SH3TC2: variants seen among roughly 807,000 people sequenced by gnomAD.
The protein encoded by SH3TC2 is SH3 domain and tetratricopeptide repeats 2, also known as SH3 domain and tetratricopeptide repeat-containing protein 2.
Under a neutral mutation model 124.5 loss-of-function variants are expected in SH3TC2, and 87 were observed. The observed-to-expected ratio is 0.70, with a 90% CI of 0.59 to 0.84. The LOEUF is 0.84. Among genes scored for constraint, SH3TC2 ranks in the 40% least tolerant of loss-of-function variants. SH3TC2 has a pLI of 0.00. For missense variants in SH3TC2, 1,536 were observed against 1,566.4 expected, an observed-to-expected ratio of 0.98 and a Z score of 0.33; for synonymous variants, 634 against 628.5, an observed-to-expected ratio of 1.01 and a Z score of -0.13.
rs185149793 is a variant in SH3TC2 at position 149,047,912 on chromosome 5, G to T, written c.229C>A (p.Arg77=). The T allele has an allele frequency of 2.5e-6, 4 of 1,614,116 alleles. No individual in the cohort carries two copies. The highest frequency in any genetic ancestry group is 2.5e-6 in the Non-Finnish European group (3 of 1,180,008). ...TCCTCATTCTCCAGTGCCCAGAGCC[G>T]CCTCCGAGCAGCTTCCTGTAGGGGT... ...NGPLQEAARR[R]LWALENEDQE... The change falls in exon 3 of 17, where the codon CGG becomes AGG. Residue 77 remains arginine (R), a synonymous_variant. Coordinates refer to ENST00000515425, the MANE Select transcript of SH3TC2 (RefSeq NM_024577.4).
At chr5:149,057,986 G>C (rs1287006502) in intron 1 of SH3TC2, among the ~76,000 whole-genome samples, 1 of 152,188 alleles carries the variant, frequency 6.6e-6, no homozygotes, top group African/African-American at 2.4e-5. Context: ...TGGACTAGAA[G>C]CTATGAATAT....
chr5:148,993,511 T>C lies in SH3TC2; in HGVS notation c.*11200A>G, dbSNP rs914759649. Among the ~76,000 whole-genome samples the C allele has an allele frequency of 3.9e-5, 6 of 152,228 alleles. No homozygotes were observed. The highest frequency in any genetic ancestry group is 5.9e-5 in the Non-Finnish European group (4 of 68,038). On this transcript the variant is annotated 3_prime_UTR_variant, in exon 17 of 17. Coordinates refer to ENST00000515425, the MANE Select transcript of SH3TC2 (RefSeq NM_024577.4). ...AGCATTAATTAAGAAAATACTTTCT[T>C]GATAAAAATTCAGCCATTATTGGTG...
In SH3TC2 at chr5:148,999,169, C is replaced by T. The variant is rs1224386609; in HGVS notation, c.*5542G>A. On this transcript the variant is annotated 3_prime_UTR_variant, in exon 17 of 17. Transcript: ENST00000515425. Reference sequence around the variant, plus strand: ...ACTCAGTGATGAAAAGGAGAAAGAGCTTCAGACCCAAGTGTCCCTGAATGC... The same window carrying T: ...ACTCAGTGATGAAAAGGAGAAAGAGTTTCAGACCCAAGTGTCCCTGAATGC... 6.6e-6 allele frequency among the ~76,000 whole-genome samples: 1 copy of T among 152,212 alleles called. No homozygotes were observed. The highest frequency in any genetic ancestry group is 1.5e-5 in the Non-Finnish European group (1 of 68,046).
chr5:149,050,412 A>G (rs1158856451), intron 2 of SH3TC2, among the ~76,000 whole-genome samples: 4 of 152,176 alleles, frequency 2.6e-5, no homozygotes, highest in Non-Finnish European at 5.9e-5. Context: ...TTCTCACTCC[A>G]TGACCTTCCT....
In SH3TC2 at chr5:149,026,936, A is replaced by G; in HGVS notation, c.2796T>C (p.Ser932=). ...GAAGGCCATGGGTCAGCTGGTGTCC[A>G]GACACCAGAACTTGGGCCAACCAGA... ...VFLWLAQVLV[S]GHQLTHGLLC... is the part of the protein sequence containing the mutation. The change falls in exon 11 of 17, where the codon TCT becomes TCC. Residue 932 remains serine (S), a synonymous_variant. Coordinates refer to ENST00000515425, the MANE Select transcript of SH3TC2 (RefSeq NM_024577.4). 1 of 1,614,206 alleles carries G rather than the reference A, an allele frequency of 6.2e-7. No individual in the cohort carries two copies. Among genetic ancestry groups the G allele is most frequent in the Non-Finnish European group, 8.5e-7 (1 of 1,180,026 alleles).
Position 148,992,585 on chromosome 5 carries a change from G to A in SH3TC2, c.*12126C>T, listed in dbSNP as rs886060124. ...TATGGGTGTGTATACATAATTCCAA[G>A]AAGAGATTTCATTGGTTTTTTTTTT... On this transcript the variant is annotated 3_prime_UTR_variant, in exon 17 of 17. Transcript: ENST00000515425. 1.4e-5 allele frequency among the ~76,000 whole-genome samples: 2 copies of A among 138,758 alleles called. No homozygotes were observed. The highest frequency in any genetic ancestry group is 7.5e-5 in the Admixed American group (1 of 13,260). The allele number at this position is 138,758 out of a possible 152,430, so 91.0% of individuals were successfully genotyped here. A position where few individuals can be genotyped will look rare whatever the true frequency, so the allele number is the denominator to read the frequency against.
At chr5:149,056,907 G>A (rs10061753) in intron 1 of SH3TC2, among the ~76,000 whole-genome samples, 123 of 151,984 alleles carry the variant, frequency 8.1e-4, no homozygotes, top group African/African-American at 2.7e-3. Flanking sequence ...AATTACCTTC[G>A]AAAAAAATGT....
chr5:149,062,330 A>T (rs1410638061), intron 1 of SH3TC2: 1 of 532,008 alleles, frequency 1.9e-6, no homozygotes, highest in Middle Eastern at 3.2e-4. Flanking sequence ...CAGGGAGACC[A>T]ACCAGCCTGG....
At chr5:149,045,619 A>T (rs1754445147) in intron 3 of SH3TC2, 1 of 152,750 alleles carries the variant, frequency 6.5e-6, no homozygotes, top group South Asian at 2.0e-4. Context: ...GAAGACTATA[A>T]GCCTCTTGGG....
chr5:149,016,696 C>T (rs192043294), intron 12 of SH3TC2, among the ~76,000 whole-genome samples: 64 of 152,088 alleles, frequency 4.2e-4, no homozygotes, highest in Middle Eastern at 3.4e-3. Flanking sequence ...AAGGCCGAGG[C>T]GGGCGGATCA....
intron 1 of SH3TC2, among the ~76,000 whole-genome samples, chr5:149,061,958 GC>G (rs1271252779): frequency 6.6e-6 from 1 of 152,114 alleles, no homozygotes; most frequent in Non-Finnish European, 1.5e-5. Context: ...AAGACTTCAA[GC>G]AGAGGAAGCA....
In SH3TC2 at chr5:149,012,663, T is replaced by C; in HGVS notation, c.3125A>G (p.Lys1042Arg). ...CGCCCCAAGCCAGGCCTCAGCAGCCTTGTCTGTCTCCCCCAGGTCAATGAA... is the reference window on the plus strand; with the variant it reads ...CGCCCCAAGCCAGGCCTCAGCAGCCCTGTCTGTCTCCCCCAGGTCAATGAA... ...RIFIDLGETD[K>R]AAEAWLGAGR... The change falls in exon 13 of 17, where the codon AAG (lysine) becomes AGG (arginine). Residue 1042 changes from lysine (K) to arginine (R), a missense_variant. Lys to Arg is a conservative substitution (Grantham distance 26). Around this residue, in one of 3 missense-constraint regions of SH3TC2, gnomAD observed 426 missense variants for 443.5 expected, o/e 0.96. Coordinates refer to ENST00000515425, the MANE Select transcript of SH3TC2 (RefSeq NM_024577.4). 1.9e-6 allele frequency: 3 copies of C among 1,614,204 alleles called. No individual in the cohort carries two copies. The highest frequency in any genetic ancestry group is 2.5e-6 in the Non-Finnish European group (3 of 1,180,038).
At chr5:149,014,944 G>A (rs919291238) in intron 12 of SH3TC2, among the ~76,000 whole-genome samples, 3 of 152,106 alleles carry the variant, frequency 2.0e-5, no homozygotes, top group African/African-American at 7.2e-5. Flanking sequence ...GTTTTTTTAT[G>A]TTCCCATTTA....
rs140307699 is a variant in SH3TC2, at chr5:149,026,635, C to T, written c.2990G>A (p.Arg997Gln). The T allele has an allele frequency of 2.8e-4, 453 of 1,614,184 alleles. 2 individuals carry two copies. In the Middle Eastern group the frequency reaches 5.3e-3, roughly 19 times the overall value. Residue 997 changes from arginine (R) to glutamine (Q), a missense_variant, in exon 12 of 17, where the codon CGG becomes CAG. Physicochemically the swap from Arg to Gln is conservative, Grantham distance 43. Transcript: ENST00000515425. ...WLALAQQLRD[R>Q]EMEGRLLESL... ...CTCCAGCAGCCTCCCTTCCATCTCC[C>T]GGTCCCTGAGTTGCTGAGCCAGGGC...
chr5:149,050,171 G>A (rs771983877), intron 2 of SH3TC2, among the ~76,000 whole-genome samples: 5 of 152,196 alleles, frequency 3.3e-5, no homozygotes, highest in East Asian at 1.9e-4. Context: ...GATCTCAACC[G>A]TGAGAACTGA....
intron 4 of SH3TC2, 22 bp downstream of exon 4, chr5:149,044,511 A>C: frequency 1.3e-6 from 2 of 1,596,372 alleles, no homozygotes; most frequent in Non-Finnish European, 1.7e-6. Context: ...GTCATCCTCC[A>C]CCTGCTTGCC....
Position 148,982,333 on chromosome 5 carries a change from G to A in SH3TC2, c.*22378C>T, listed in dbSNP as rs1380035870. 6.6e-6 allele frequency among the ~76,000 whole-genome samples: 1 copy of A among 152,156 alleles called. No homozygotes were observed. The highest frequency in any genetic ancestry group is 2.4e-5 in the African/African-American group (1 of 41,422). On this transcript the variant is annotated 3_prime_UTR_variant, in exon 17 of 17. Coordinates refer to ENST00000515425, the MANE Select transcript of SH3TC2 (RefSeq NM_024577.4). ...AGAGCATCATGAAGGGCCATTCAGC[G>A]TCTATCAAAACAACAAATGCATATG...
In SH3TC2 at chr5:148,984,004, T is replaced by G. The variant is rs1753294632; in HGVS notation, c.*20707A>C. ...TTTTTTAAAATTACTTAAGCCAGTT[T>G]GAGTTTCACCTTCTGTTTCTCAAAG... is the stretch of plus-strand genomic sequence containing the variant. On this transcript the variant is annotated 3_prime_UTR_variant, in exon 17 of 17. Coordinates refer to ENST00000515425, the MANE Select transcript of SH3TC2 (RefSeq NM_024577.4). Among the ~76,000 whole-genome samples the G allele has an allele frequency of 1.3e-5, 2 of 152,214 alleles. No individual in the cohort carries two copies.
rs766435744 is a variant in SH3TC2, at chr5:149,028,279, T to A, written c.1453A>T (p.Ser485Cys). Residue 485 changes from serine to cysteine, a missense_variant, in exon 11 of 17, where the codon AGT becomes TGT. Ser to Cys is a moderately radical substitution (Grantham distance 112, BLOSUM62 -1). This residue lies in a region of SH3TC2 where 1,102 missense variants were observed against 1,098.6 expected (regional missense o/e 1.00). Transcript: ENST00000515425. ...DHEGYADHFK[S>C]LYDFSFSFLT... ...AAAGAGAAGGAGAAGTCATAGAGAC[T>A]CTTAAAGTGGTCAGCATAACCCTCA... 3.7e-6 allele frequency: 6 copies of A among 1,613,922 alleles called. No homozygotes were observed. The South Asian group carries it at 6.6e-5, about 18-fold the overall frequency.
Sources: allele counts gnomAD v4.1 joint callset (sites outside exome capture counted in the v4.1 genomes callset), GRCh38; gene constraint gnomAD v4.1.1; regional missense constraint gnomAD v4.1.1; transcripts MANE v1.5; gene names NCBI Gene and HGNC (gene_info 2026-07-23, HGNC 2026-07-21).